The following PIEZO2 variants were observed in gnomAD, a reference collection of about 807,000 sequenced individuals.
PIEZO2 encodes the protein piezo-type mechanosensitive ion channel component 2.
A neutral mutation model predicts 337.3 loss-of-function variants in PIEZO2; 172 were observed. The ratio of observed to expected loss-of-function variants is 0.51; its 90% CI spans 0.45 to 0.58. The LOEUF (loss-of-function observed/expected upper bound fraction) is 0.58. PIEZO2 is among the 20% of genes least tolerant of loss of function. The pLI, the probability that PIEZO2 is intolerant of heterozygous loss-of-function variation, is 0.00. For synonymous variants in PIEZO2, 1,251 were observed against 1,228.5 expected (o/e 1.02, Z -0.38); for missense variants, 3,028 against 3,391.3 (o/e 0.89, Z 2.66).
At position 10,816,144 on chromosome 18, in the gene PIEZO2, T is replaced by C. The variant is rs191691603; in HGVS notation, c.918-8870A>G. ...CTGGGAGGAGCTTCCTTGTCAATTG[T>C]CTTTCTCAACCTCTGCCAGTCTGAA... is the stretch of plus-strand genomic sequence containing the variant. On this transcript the variant is annotated intron_variant, in intron 7 of 55. Coordinates refer to ENST00000674853, the MANE Select transcript of PIEZO2 (RefSeq NM_001378183.1). Among the ~76,000 whole-genome samples, 127 of 152,286 alleles carry C rather than the reference T, an allele frequency of 8.3e-4. 3 individuals carry two copies. In the East Asian group the frequency reaches 0.021, roughly 25 times the overall value.
chr18:11,084,445 G>A (rs960773399), intron 1 of PIEZO2, among the ~76,000 whole-genome samples: 1 of 152,086 alleles, frequency 6.6e-6, no homozygotes, highest in African/African-American at 2.4e-5. Flanking sequence ...AGAAACAGGA[G>A]ATAAGAGAGA....
intron 7 of PIEZO2, among the ~76,000 whole-genome samples, chr18:10,816,996 A>ACCTTGTC (rs2040384624): frequency 1.3e-5 from 2 of 152,180 alleles, no homozygotes; most frequent in African/African-American, 4.8e-5. Context: ...GTTTTCTAGG[A>ACCTTGTC]CCTTGTCCCT....
At chr18:11,119,020 T>C (rs2039962645) in intron 1 of PIEZO2, among the ~76,000 whole-genome samples, 2 of 152,136 alleles carry the variant, frequency 1.3e-5, no homozygotes, top group African/African-American at 4.8e-5. Context: ...TAAAAGAATA[T>C]GAATTGGTTG....
intron 2 of PIEZO2, among the ~76,000 whole-genome samples, chr18:11,036,028 C>T (rs561705025): frequency 6.6e-6 from 1 of 152,186 alleles, no homozygotes; most frequent in Non-Finnish European, 1.5e-5. Flanking sequence ...ACAAGCAAGG[C>T]CTCTGTCCCT....
At chr18:10,885,637 G>T (rs2042558206) in intron 4 of PIEZO2, among the ~76,000 whole-genome samples, 1 of 152,102 alleles carries the variant, frequency 6.6e-6, no homozygotes, top group African/African-American at 2.4e-5. Context: ...CCACGGTCAG[G>T]GTCATTGGGA....
At chr18:10,812,075 T>C (rs1050186898) in intron 7 of PIEZO2, among the ~76,000 whole-genome samples, 1 of 152,330 alleles carries the variant, frequency 6.6e-6, no homozygotes, top group African/African-American at 2.4e-5. Flanking sequence ...CCTCGTGATC[T>C]GCCCGCCTTG....
chr18:10,757,848 A>G, intron 27 of PIEZO2, 121 bp downstream of exon 27: 1 of 1,074,118 alleles, frequency 9.3e-7, no homozygotes, highest in South Asian at 1.7e-5. Context: ...GCATTTATTA[A>G]CTTCAGTGTA....
chr18:11,116,452 G>T lies in PIEZO2; in HGVS notation c.64+32073C>A, dbSNP rs1275736974. On this transcript the variant is annotated intron_variant, in intron 1 of 55. Transcript: ENST00000674853. The surrounding 1 kb of genome is among the most constrained non-coding windows in gnomAD (Gnocchi z 5.0). ...TTGCAGGCCGGGCGCGGTGGCTCACGCCTGTAAACCCAGCACTTTGGGAGG... is the reference window on the plus strand; with the variant it reads ...TTGCAGGCCGGGCGCGGTGGCTCACTCCTGTAAACCCAGCACTTTGGGAGG... 6.6e-6 allele frequency among the ~76,000 whole-genome samples: 1 copy of T among 151,340 alleles called. No individual in the cohort carries two copies. Among genetic ancestry groups the T allele is most frequent in the East Asian group, 2.0e-4 (1 of 5,072 alleles).
At position 11,059,303 on chromosome 18, in the gene PIEZO2, T is replaced by C. The variant is rs2037851142; in HGVS notation, c.160+6824A>G. Among the ~76,000 whole-genome samples the C allele has an allele frequency of 2.6e-5, 4 of 152,168 alleles. No individual in the cohort carries two copies. In the South Asian group the frequency reaches 8.3e-4, roughly 32 times the overall value. Reference sequence around the variant, plus strand: ...ACCAGTACCAGCCACTGCAAAAACATGCCAAATTGTAAAGGCCATCGATGC... The same window carrying C: ...ACCAGTACCAGCCACTGCAAAAACACGCCAAATTGTAAAGGCCATCGATGC... On this transcript the variant is annotated intron_variant, in intron 2 of 55. Coordinates refer to ENST00000674853, the MANE Select transcript of PIEZO2 (RefSeq NM_001378183.1).
At chr18:11,091,161 G>A (rs1025164629) in intron 1 of PIEZO2, among the ~76,000 whole-genome samples, 1 of 151,900 alleles carries the variant, frequency 6.6e-6, no homozygotes, top group Admixed American at 6.5e-5. Flanking sequence ...CAAGGTGGGC[G>A]GATCACGAGG....
chr18:10,916,629 G>A (rs1278832634), intron 3 of PIEZO2, among the ~76,000 whole-genome samples: 1 of 152,148 alleles, frequency 6.6e-6, no homozygotes, highest in Non-Finnish European at 1.5e-5. Flanking sequence ...GCCGGCGAGT[G>A]CAAGCAAAGT....
At chr18:10,719,960 G>A (rs923627471) in intron 36 of PIEZO2, among the ~76,000 whole-genome samples, 4 of 152,020 alleles carry the variant, frequency 2.6e-5, no homozygotes, top group Admixed American at 6.6e-5. Context: ...GATGAGGCTA[G>A]AACATTTATA....
At chr18:11,015,770 T>C (rs143847898) in intron 2 of PIEZO2, among the ~76,000 whole-genome samples, 182 of 152,282 alleles carry the variant, frequency 1.2e-3, no homozygotes, top group African/African-American at 4.3e-3. Context: ...ATTTGCATAG[T>C]GCTCTATGGT....
chr18:10,789,503 A>G, intron 14 of PIEZO2, 138 bp from the exon 15 acceptor site: 1 of 1,005,336 alleles, frequency 9.9e-7, no homozygotes. Context: ...GACTATTCTC[A>G]TAAACTCAGC....
In PIEZO2 at chr18:11,125,655, T is replaced by C. The variant is rs1222553641; in HGVS notation, c.64+22870A>G. Among the ~76,000 whole-genome samples the C allele has an allele frequency of 6.6e-6, 1 of 152,150 alleles. No individual in the cohort carries two copies. Among genetic ancestry groups the C allele is most frequent in the Admixed American group, 6.5e-5 (1 of 15,270 alleles). ...ACCATAATGAAAGAGGAAAAGAAAC[T>C]TCAAAGCCAGGATTGCGTAGGTCTA... is the stretch of plus-strand genomic sequence containing the variant. On this transcript the variant is annotated intron_variant, in intron 1 of 55. Transcript: ENST00000674853. The surrounding 1 kb of genome is among the most constrained non-coding windows in gnomAD (Gnocchi z 4.4).
chr18:10,740,816 A>G (rs1307741396), intron 33 of PIEZO2: 1 of 687,770 alleles, frequency 1.5e-6, no homozygotes, highest in Non-Finnish European at 2.6e-6. Context: ...CAGCCAGCAC[A>G]AGAATGTCAG....
At position 10,780,375 on chromosome 18, in the gene PIEZO2, T is replaced by C. The variant is rs535220323; in HGVS notation, c.2493-9A>G. On this transcript the variant is annotated splice_polypyrimidine_tract_variant and intron_variant, in intron 17 of 55. Transcript: ENST00000674853. Reference sequence around the variant, plus strand: ...CATTGACTTTGGCATGGCTACGAGGTGGCAGACGGAAGCACAGGGATGCAA... The same window carrying C: ...CATTGACTTTGGCATGGCTACGAGGCGGCAGACGGAAGCACAGGGATGCAA... 2.8e-6 allele frequency: 2 copies of C among 702,942 alleles called. No individual in the cohort carries two copies. Among genetic ancestry groups the C allele is most frequent in the South Asian group, 3.0e-5 (2 of 67,598 alleles). The allele number at this position is 702,942 out of a possible 1,614,324, so 43.5% of individuals were successfully genotyped here.
chr18:11,066,668 C>T (rs899492398), intron 1 of PIEZO2, among the ~76,000 whole-genome samples: 13 of 152,154 alleles, frequency 8.5e-5, no homozygotes, highest in Non-Finnish European at 1.6e-4. Flanking sequence ...GGCATGATCT[C>T]GGCTCACTGC....
At position 11,048,296 on chromosome 18, in the gene PIEZO2, C is replaced by T. The variant is rs1486335097; in HGVS notation, c.160+17831G>A. 6.6e-6 allele frequency among the ~76,000 whole-genome samples: 1 copy of T among 152,140 alleles called. No individual in the cohort carries two copies. The highest frequency in any genetic ancestry group is 1.5e-5 in the Non-Finnish European group (1 of 68,016). ...GAAAGAAGAAAGGACAAAATGGTGA[C>T]CCACAAGATTGAAAAGACCTGTCTT... is the stretch of plus-strand genomic sequence containing the variant. On this transcript the variant is annotated intron_variant, in intron 2 of 55. Coordinates refer to ENST00000674853, the MANE Select transcript of PIEZO2 (RefSeq NM_001378183.1). The surrounding 1 kb of genome is among the most constrained non-coding windows in gnomAD (Gnocchi z 4.5).
Sources: gnomAD v4.1 joint callset for allele counts (sites outside exome capture counted in the v4.1 genomes callset) on GRCh38, gnomAD v4.1.1 for gene constraint, Gnocchi (gnomAD v3.1) non-coding constraint, MANE v1.5 for transcripts, NCBI Gene and HGNC (gene_info 2026-07-23, HGNC 2026-07-21) for gene names.